The following KBTBD7 variants were observed in gnomAD, a reference collection of about 807,000 sequenced individuals.
The protein encoded by KBTBD7 is kelch repeat and BTB domain-containing protein 7.
KBTBD7 carries 25 observed loss-of-function variants against 50.3 expected under a neutral mutation model. The ratio of observed to expected loss-of-function variants is 0.50; its 90% CI spans 0.36 to 0.69. The LOEUF is 0.69. Ranked by LOEUF, KBTBD7 falls within the 30% of genes least tolerant of loss-of-function variation. The probability of loss-of-function intolerance (pLI) is 0.00; values close to 1 mark genes in which losing one functional copy is unlikely to be tolerated. For synonymous variants in KBTBD7, 305 were observed against 325.3 expected (o/e 0.94, Z 0.67); for missense variants, 653 against 869.5 (o/e 0.75, Z 3.13).
rs2031481279 is a variant in KBTBD7 at position 41,194,420 on chromosome 13, C to T, written c.-163G>A. 1.1e-6 allele frequency: 1 copy of T among 898,940 alleles called. No individual in the cohort carries two copies. Among genetic ancestry groups the T allele is most frequent in the South Asian group, 1.8e-5 (1 of 56,514 alleles). 55.7% of individuals were successfully genotyped at this position (898,940 alleles called of 1,614,324 possible). ...AGCCCTATCCCGCGGTGAGGCCTCCCTTTATTGCATAGACAGTGGCTGACT... is the reference window on the plus strand; with the variant it reads ...AGCCCTATCCCGCGGTGAGGCCTCCTTTTATTGCATAGACAGTGGCTGACT... On this transcript the variant is annotated 5_prime_UTR_variant, in exon 1 of 1. Transcript: ENST00000379483.
In KBTBD7 at chr13:41,192,475, A is replaced by T; in HGVS notation, c.1783T>A (p.Trp595Arg). 1 of 1,614,152 alleles carries T rather than the reference A, an allele frequency of 6.2e-7. No individual in the cohort carries two copies. The highest frequency in any genetic ancestry group is 8.5e-7 in the Non-Finnish European group (1 of 1,180,022). ...CCTAACATGGTACCTATATTAATCC[A>T]CTGATCTTCCCTAGTATCATACTCA... is the stretch of plus-strand genomic sequence containing the variant. Reference protein sequence around the residue: ...VYEYDTREDQWINIGTMLGLL... With the variant: ...VYEYDTREDQRINIGTMLGLL... Residue 595 changes from tryptophan (W) to arginine (R), a missense_variant, in exon 1 of 1, where the codon TGG becomes AGG. Transcript: ENST00000379483.
chr13:41,192,591 G>T lies in KBTBD7; in HGVS notation c.1667C>A (p.Thr556Asn). 6.2e-7 allele frequency: 1 copy of T among 1,614,152 alleles called. No individual in the cohort carries two copies. The highest frequency in any genetic ancestry group is 8.5e-7 in the Non-Finnish European group (1 of 1,180,032). The change falls in exon 1 of 1, where the codon ACC becomes AAC. Residue 556 changes from threonine (T) to asparagine (N), a missense_variant. By Grantham distance (65) the Thr-to-Asn change is moderately conservative. Transcript: ENST00000379483. ...ATGATTGACAATCTGGTAGTTGTGGGTCTCTGAATCCAAAGGAATATTACT... is the reference window on the plus strand; with the variant it reads ...ATGATTGACAATCTGGTAGTTGTGGTTCTCTGAATCCAAAGGAATATTACT... ...RISNIPLDSE[T>N]HNYQIVNHDQ...
chr13:41,191,138 A>G lies in KBTBD7; in HGVS notation c.*1065T>C, dbSNP rs1006335270. The stretch of plus-strand genomic sequence containing the variant: ...GTAAAATACTGTTTTTAGCTTATAC[A>G]TATGTTCTAAACCATATTACCTCAC... On this transcript the variant is annotated 3_prime_UTR_variant, in exon 1 of 1. Transcript: ENST00000379483. The G allele has an allele frequency of 2.0e-5, 3 of 152,158 alleles. No homozygotes were observed. Among genetic ancestry groups the G allele is most frequent in the African/African-American group, 4.8e-5 (2 of 41,448 alleles). 9.4% of individuals were successfully genotyped at this position (152,158 alleles called of 1,614,324 possible). A position where few individuals can be genotyped will look rare whatever the true frequency, so the allele number is the denominator to read the frequency against.
rs750318067 is a variant in KBTBD7 at position 41,193,600 on chromosome 13, C to A, written c.658G>T (p.Ala220Ser). Residue 220 changes from alanine (A) to serine (S), a missense_variant, in exon 1 of 1, where the codon GCC becomes TCC. By Grantham distance (99) the Ala-to-Ser change is moderately conservative (BLOSUM62 1). Around this residue, in one of 3 missense-constraint regions of KBTBD7, gnomAD observed 526 missense variants for 717.1 expected, o/e 0.73. Transcript: ENST00000379483. The surrounding 1 kb of genome is among the most constrained non-coding windows in gnomAD (Gnocchi z 5.7). ...AGGCGTAGGACAGCCAGCAGCTGGG[C>A]CAGGGTTAGATCTGCTAGAGTCTCC... ...REETLADLTL[A>S]QLLAVLRLDS... The A allele has an allele frequency of 1.4e-5, 23 of 1,614,152 alleles. No homozygotes were observed. Among genetic ancestry groups the A allele is most frequent in the Non-Finnish European group, 1.9e-5 (22 of 1,180,030 alleles).
At position 41,192,755 on chromosome 13, in the gene KBTBD7, G is replaced by A. The variant is rs760789401; in HGVS notation, c.1503C>T (p.His501=). The part of the protein sequence containing the change: ...SKRMLCYDPS[H]NMWLNCASLK... ...GAGAAGCACAGTTCAGCCACATATT[G>A]TGGCTAGGATCATAGCAAAGCATGC... Residue 501 remains histidine, a synonymous_variant, in exon 1 of 1, where the codon CAC becomes CAT. Coordinates refer to ENST00000379483, the MANE Select transcript of KBTBD7 (RefSeq NM_032138.7). 2.2e-5 allele frequency: 35 copies of A among 1,614,160 alleles called. No individual in the cohort carries two copies. The highest frequency in any genetic ancestry group is 2.5e-5 in the Non-Finnish European group (30 of 1,180,024).
chr13:41,190,222 G>A lies in KBTBD7; in HGVS notation c.*1981C>T, dbSNP rs990427943. 6.6e-6 allele frequency: 1 copy of A among 152,174 alleles called. No homozygotes were observed. The highest frequency in any genetic ancestry group is 1.5e-5 in the Non-Finnish European group (1 of 68,022). 9.4% of individuals were successfully genotyped at this position (152,174 alleles called of 1,614,324 possible). ...ATTGAGAAATAGCTTTGTATTAAGT[G>A]CAGTACTTATAACATCCCTGATGTC... On this transcript the variant is annotated 3_prime_UTR_variant, in exon 1 of 1. Coordinates refer to ENST00000379483, the MANE Select transcript of KBTBD7 (RefSeq NM_032138.7).
rs761815517 is a variant in KBTBD7 at position 41,192,548 on chromosome 13, G to A, written c.1710C>T (p.Leu570=). ...QIVNHDQKLL[L]ITSTTPQWKK... is the part of the protein sequence containing the mutation. ...TCCATTGTGGGGTTGTAGAAGTGAT[G>A]AGAAGCAACTTTTGGTCATGATTGA... The change falls in exon 1 of 1, where the codon CTC becomes CTT. Residue 570 remains leucine (L), a synonymous_variant. Coordinates refer to ENST00000379483, the MANE Select transcript of KBTBD7 (RefSeq NM_032138.7). 1.2e-5 allele frequency: 19 copies of A among 1,614,074 alleles called. No individual in the cohort carries two copies. The highest frequency in any genetic ancestry group is 1.4e-5 in the Non-Finnish European group (17 of 1,180,020).
Position 41,193,701 on chromosome 13 carries a change from T to C in KBTBD7, c.557A>G (p.His186Arg), listed in dbSNP as rs760576261. Residue 186 changes from histidine (H) to arginine (R), a missense_variant, in exon 1 of 1, where the codon CAC (histidine) becomes CGC (arginine). This residue lies in a region of KBTBD7 where 526 missense variants were observed against 717.1 expected (regional missense o/e 0.73). Coordinates refer to ENST00000379483, the MANE Select transcript of KBTBD7 (RefSeq NM_032138.7). This position sits in a 1 kb window ranked among gnomAD's most constrained non-coding sequence, Gnocchi z 5.7. ...ILKFADAFDH[H>R]KLRSQAQSYI... The stretch of plus-strand genomic sequence containing the variant: ...GGACTGGGCCTGAGATCGAAGCTTG[T>C]GATGGTCGAAGGCGTCTGCAAACTT... 15 of 1,614,128 alleles carry C rather than the reference T, an allele frequency of 9.3e-6. No homozygotes were observed. The highest frequency in any genetic ancestry group is 4.5e-5 in the East Asian group (2 of 44,876).
Position 41,193,341 on chromosome 13 carries a change from A to G in KBTBD7, c.917T>C (p.Leu306Pro), listed in dbSNP as rs1344146598. The change falls in exon 1 of 1, where the codon CTG becomes CCG. Residue 306 changes from leucine to proline, a missense_variant. By Grantham distance (98) the Leu-to-Pro change is moderately conservative. Around this residue, in one of 3 missense-constraint regions of KBTBD7, gnomAD observed 526 missense variants for 717.1 expected, o/e 0.73. Transcript: ENST00000379483. This position sits in a 1 kb window ranked among gnomAD's most constrained non-coding sequence, Gnocchi z 5.7. ...EGALQMRYGD[L>P]LYKSLVPVPN... ...CACTGGCACCAGAGACTTGTACAAC[A>G]GGTCACCATAGCGCATCTGCAGGGC... 1 of 1,611,356 alleles carries G rather than the reference A, an allele frequency of 6.2e-7. No homozygotes were observed. Among genetic ancestry groups the G allele is most frequent in the Admixed American group, 1.7e-5 (1 of 59,822 alleles).
In KBTBD7 at chr13:41,192,070, A is replaced by T; in HGVS notation, c.*133T>A. On this transcript the variant is annotated 3_prime_UTR_variant, in exon 1 of 1. Transcript: ENST00000379483. The stretch of plus-strand genomic sequence containing the variant: ...ATTTCATGGACTGTCTAAACCTTGT[A>T]GTATTTCAAAATATTACCCTTTCTA... 1 of 792,430 alleles carries T rather than the reference A, an allele frequency of 1.3e-6. No homozygotes were observed. The highest frequency in any genetic ancestry group is 2.1e-6 in the Non-Finnish European group (1 of 481,696). The allele number at this position is 792,430 out of a possible 1,614,324, so 49.1% of individuals were successfully genotyped here.
In KBTBD7 at chr13:41,193,010, C is replaced by T; in HGVS notation, c.1248G>A (p.Gln416=). The T allele has an allele frequency of 6.2e-7, 1 of 1,614,204 alleles. No individual in the cohort carries two copies. Among genetic ancestry groups the T allele is most frequent in the Non-Finnish European group, 8.5e-7 (1 of 1,180,040 alleles). ...WVYKPAQNSW[Q]QLADRLLCRE... ...GACACAGCAAGCGATCTGCAAGTTG[C>T]TGCCAACTATTCTGAGCTGGTTTAT... The change falls in exon 1 of 1, where the codon CAG becomes CAA. Residue 416 remains glutamine, a synonymous_variant. Transcript: ENST00000379483. The surrounding 1 kb of genome is among the most constrained non-coding windows in gnomAD (Gnocchi z 5.7).
rs1251568581 is a variant in KBTBD7 at position 41,191,342 on chromosome 13, C to T, written c.*861G>A. 3 of 149,232 alleles carry T rather than the reference C, an allele frequency of 2.0e-5. No homozygotes were observed. The highest frequency in any genetic ancestry group is 4.4e-5 in the Non-Finnish European group (3 of 67,574). 9.2% of individuals were successfully genotyped at this position (149,232 alleles called of 1,614,324 possible). A position where few individuals can be genotyped will look rare whatever the true frequency, so the allele number is the denominator to read the frequency against. ...GAATTGTTCCTCTGAGTCAGTAAAGCATGTATTGGGCATAAATTAAAAACA... is the reference window on the plus strand; with the variant it reads ...GAATTGTTCCTCTGAGTCAGTAAAGTATGTATTGGGCATAAATTAAAAACA... On this transcript the variant is annotated 3_prime_UTR_variant, in exon 1 of 1. Transcript: ENST00000379483.
chr13:41,192,448 G>A lies in KBTBD7; in HGVS notation c.1810C>T (p.Leu604Phe), dbSNP rs759435262. 2.5e-6 allele frequency: 4 copies of A among 1,614,178 alleles called. No individual in the cohort carries two copies. Among genetic ancestry groups the A allele is most frequent in the Non-Finnish European group, 3.4e-6 (4 of 1,180,022 alleles). Reference protein sequence around the residue: ...QWINIGTMLGLLQFDSGFICL... With the variant: ...QWINIGTMLGFLQFDSGFICL... ...ATAAAGCCAGAGTCAAACTGCAAAA[G>A]GCCTAACATGGTACCTATATTAATC... The change falls in exon 1 of 1, where the codon CTT becomes TTT. Residue 604 changes from leucine to phenylalanine, a missense_variant. Physicochemically the swap from Leu to Phe is conservative, Grantham distance 22. Around this residue, in one of 3 missense-constraint regions of KBTBD7, gnomAD observed 526 missense variants for 717.1 expected, o/e 0.73. Coordinates refer to ENST00000379483, the MANE Select transcript of KBTBD7 (RefSeq NM_032138.7).
rs764202832 is a variant in KBTBD7 at position 41,192,455 on chromosome 13, C to T, written c.1803G>A (p.Met601Ile). The T allele has an allele frequency of 2.0e-5, 33 of 1,614,250 alleles. No individual in the cohort carries two copies. Among genetic ancestry groups the T allele is most frequent in the Middle Eastern group, 1.6e-4 (1 of 6,062 alleles). Reference protein sequence around the residue: ...REDQWINIGTMLGLLQFDSGF... With the variant: ...REDQWINIGTILGLLQFDSGF... ...CAGAGTCAAACTGCAAAAGGCCTAA[C>T]ATGGTACCTATATTAATCCACTGAT... Residue 601 changes from methionine to isoleucine, a missense_variant, in exon 1 of 1, where the codon ATG becomes ATA. Coordinates refer to ENST00000379483, the MANE Select transcript of KBTBD7 (RefSeq NM_032138.7).
At position 41,189,853 on chromosome 13, in the gene KBTBD7, T is replaced by C. The variant is rs1255138639; in HGVS notation, c.*2350A>G. 1.3e-5 allele frequency: 2 copies of C among 152,240 alleles called. No individual in the cohort carries two copies. The highest frequency in any genetic ancestry group is 6.5e-5 in the Admixed American group (1 of 15,280). 9.4% of individuals were successfully genotyped at this position (152,240 alleles called of 1,614,324 possible). A position where few individuals can be genotyped will look rare whatever the true frequency, so the allele number is the denominator to read the frequency against. On this transcript the variant is annotated 3_prime_UTR_variant, in exon 1 of 1. Coordinates refer to ENST00000379483, the MANE Select transcript of KBTBD7 (RefSeq NM_032138.7). ...GAAACCTGGGTTCTAGTACCAGTTTTATTTATAACTAACCATGTACAAATC... is the reference window on the plus strand; with the variant it reads ...GAAACCTGGGTTCTAGTACCAGTTTCATTTATAACTAACCATGTACAAATC...
Position 41,192,618 on chromosome 13 carries a change from A to G in KBTBD7, c.1640T>C (p.Ile547Thr). 1.2e-6 allele frequency: 2 copies of G among 1,614,160 alleles called. No individual in the cohort carries two copies. The highest frequency in any genetic ancestry group is 1.7e-6 in the Non-Finnish European group (2 of 1,180,036). The change falls in exon 1 of 1, where the codon ATT becomes ACT. Residue 547 changes from isoleucine (I) to threonine (T), a missense_variant. By Grantham distance (89) the Ile-to-Thr change is moderately conservative. Around this residue, in one of 3 missense-constraint regions of KBTBD7, gnomAD observed 526 missense variants for 717.1 expected, o/e 0.73. Coordinates refer to ENST00000379483, the MANE Select transcript of KBTBD7 (RefSeq NM_032138.7). ...YNPARGEWRR[I>T]SNIPLDSETH... ...CTCTGAATCCAAAGGAATATTACTA[A>G]TCCGCCTCCATTCTCCCCTAGCTGG...
Position 41,193,200 on chromosome 13 carries a change from C to G in KBTBD7, c.1058G>C (p.Arg353Thr), listed in dbSNP as rs2031435952. The G allele has an allele frequency of 6.2e-7, 1 of 1,613,914 alleles. No homozygotes were observed. Among genetic ancestry groups the G allele is most frequent in the African/African-American group, 1.3e-5 (1 of 74,890 alleles). Residue 353 changes from arginine (R) to threonine (T), a missense_variant, in exon 1 of 1, where the codon AGA (arginine) becomes ACA (threonine). Physicochemically the swap from Arg to Thr is moderately conservative, Grantham distance 71. Coordinates refer to ENST00000379483, the MANE Select transcript of KBTBD7 (RefSeq NM_032138.7). The surrounding 1 kb of genome is among the most constrained non-coding windows in gnomAD (Gnocchi z 5.7). The part of the protein sequence containing the change: ...KEMVIFFGHP[R>T]DPFLCYDPYS... ...AGGGTCATAGCAGAGAAAGGGATCTCTAGGATGTCCAAAGAAGATCACCAT... is the reference window on the plus strand; with the variant it reads ...AGGGTCATAGCAGAGAAAGGGATCTGTAGGATGTCCAAAGAAGATCACCAT...
chr13:41,192,759 C>T lies in KBTBD7; in HGVS notation c.1499G>A (p.Ser500Asn). The change falls in exon 1 of 1, where the codon AGC becomes AAC. Residue 500 changes from serine to asparagine, a missense_variant. By Grantham distance (46) the Ser-to-Asn change is conservative (BLOSUM62 1). Transcript: ENST00000379483. Reference protein sequence around the residue: ...NSKRMLCYDPSHNMWLNCASL... With the variant: ...NSKRMLCYDPNHNMWLNCASL... Reference sequence around the variant, plus strand: ...AGCACAGTTCAGCCACATATTGTGGCTAGGATCATAGCAAAGCATGCGCTT... The same window carrying T: ...AGCACAGTTCAGCCACATATTGTGGTTAGGATCATAGCAAAGCATGCGCTT... The T allele has an allele frequency of 3.7e-6, 6 of 1,614,164 alleles. No individual in the cohort carries two copies. The highest frequency in any genetic ancestry group is 5.1e-6 in the Non-Finnish European group (6 of 1,180,022).
chr13:41,193,480 C>T lies in KBTBD7; in HGVS notation c.778G>A (p.Glu260Lys). The T allele has an allele frequency of 6.2e-7, 1 of 1,614,216 alleles. No individual in the cohort carries two copies. Among genetic ancestry groups the T allele is most frequent in the East Asian group, 2.2e-5 (1 of 44,888 alleles). The change falls in exon 1 of 1, where the codon GAA (glutamate) becomes AAA (lysine). Residue 260 changes from glutamate to lysine, a missense_variant. This residue lies in a region of KBTBD7 where 526 missense variants were observed against 717.1 expected (regional missense o/e 0.73). Coordinates refer to ENST00000379483, the MANE Select transcript of KBTBD7 (RefSeq NM_032138.7). The surrounding 1 kb of genome is among the most constrained non-coding windows in gnomAD (Gnocchi z 5.7). ...ATCCAGCGCACGCACTTGAAGACTT[C>T]TGCAGCACTGGGACCCCGCTCTTTG... is the stretch of plus-strand genomic sequence containing the variant. The part of the protein sequence containing the change: ...AAKERGPSAA[E>K]VFKCVRWMHF...
Sources: allele counts gnomAD v4.1 joint callset, GRCh38; gene constraint gnomAD v4.1.1; regional missense constraint gnomAD v4.1.1; non-coding constraint Gnocchi (gnomAD v3.1); transcripts MANE v1.5; gene names NCBI Gene and HGNC (gene_info 2026-07-23, HGNC 2026-07-21).